The following NPSR1 variants were observed in gnomAD, a reference collection of about 807,000 sequenced individuals.
NPSR1 encodes neuropeptide S receptor.
Under a neutral mutation model 46.9 loss-of-function variants are expected in NPSR1, and 48 were observed. The observed-to-expected ratio is 1.02, with a 90% CI of 0.81 to 1.30. NPSR1 has a LOEUF of 1.30. Among genes scored for constraint, NPSR1 ranks in the 50% most tolerant of loss-of-function variants. NPSR1 has a pLI of 0.00. For synonymous variants in NPSR1, 176 were observed against 168.1 expected (o/e 1.05, Z -0.36); for missense variants, 450 against 449.5 (o/e 1.00, Z -0.01).
chr7:34,702,371 C>T (rs1793872423), intron 2 of NPSR1, among the ~76,000 whole-genome samples: 1 of 152,064 alleles, frequency 6.6e-6, no homozygotes, highest in Non-Finnish European at 1.5e-5. Flanking sequence ...TTTTTTTAAC[C>T]CAGGCCCATT....
chr7:34,802,797 C>A (rs370917562), intron 3 of NPSR1, among the ~76,000 whole-genome samples: 12 of 150,140 alleles, frequency 8.0e-5, no homozygotes, highest in Admixed American at 2.0e-4. Flanking sequence ...AAATGGGAGA[C>A]AATTTTTGCA....
At chr7:34,872,309 TG>T (rs1029374472) in intron 8 of NPSR1, among the ~76,000 whole-genome samples, 2 of 151,970 alleles carry the variant, frequency 1.3e-5, no homozygotes, top group Admixed American at 1.3e-4. Flanking sequence ...GCCGTAGGCC[TG>T]GCCCCCTAAG....
chr7:34,708,113 A>G (rs1377596095), intron 2 of NPSR1, among the ~76,000 whole-genome samples: 1 of 152,010 alleles, frequency 6.6e-6, no homozygotes, highest in Non-Finnish European at 1.5e-5. Flanking sequence ...AGCATGTCAC[A>G]TTGTGAAGGA....
intron 2 of NPSR1, chr7:34,710,745 C>A: frequency 2.5e-6 from 1 of 399,078 alleles, no homozygotes; most frequent in African/African-American, 2.1e-5. Context: ...TAAGCATCAA[C>A]TGCAAGAATA....
chr7:34,797,562 C>T (rs774438291), intron 3 of NPSR1, among the ~76,000 whole-genome samples: 45 of 151,970 alleles, frequency 3.0e-4, no homozygotes, highest in Non-Finnish European at 5.0e-4. Context: ...AAGTGTAGCA[C>T]ACACATATAA....
chr7:34,836,109 C>T (rs1483811410), intron 6 of NPSR1, among the ~76,000 whole-genome samples: 1 of 152,138 alleles, frequency 6.6e-6, no homozygotes, highest in East Asian at 1.9e-4. Flanking sequence ...CAGCTTGGGG[C>T]TAATTCCAGC....
intron 2 of NPSR1, among the ~76,000 whole-genome samples, chr7:34,722,537 A>G (rs2128708476): frequency 6.6e-6 from 1 of 152,274 alleles, no homozygotes; most frequent in Non-Finnish European, 1.5e-5. Flanking sequence ...TTTTTCTGGA[A>G]GTTACATGTA....
At chr7:34,766,894 AATTTTTAAAGGTTGCAT>A (rs1786463178) in intron 2 of NPSR1, among the ~76,000 whole-genome samples, 1 of 152,134 alleles carries the variant, frequency 6.6e-6, no homozygotes, top group Non-Finnish European at 1.5e-5. Flanking sequence ...TTTTAAAGCT[AATTTTTAAAGGTTGCAT>A]ATTTTGTAAT....
intron 8 of NPSR1, among the ~76,000 whole-genome samples, chr7:34,875,803 A>G (rs1562782593): frequency 6.6e-6 from 1 of 152,042 alleles, no homozygotes. Context: ...CCCTTTATTA[A>G]AGGATTTCAA....
At chr7:34,678,418 A>G (rs757178958) in intron 1 of NPSR1, among the ~76,000 whole-genome samples, 25 of 152,170 alleles carry the variant, frequency 1.6e-4, no homozygotes, top group Middle Eastern at 6.8e-3. Context: ...AATTGCTTTA[A>G]GGCATTAACA....
chr7:34,689,401 C>A (rs1055854695), intron 2 of NPSR1, among the ~76,000 whole-genome samples: 9 of 151,198 alleles, frequency 6.0e-5, no homozygotes, highest in South Asian at 4.2e-4. Flanking sequence ...GTCAGGAGAT[C>A]GAGACCATCC....
At position 34,703,251 on chromosome 7, in the gene NPSR1, G is replaced by A. The variant is rs1019719091; in HGVS notation, c.280+18567G>A. Reference sequence around the variant, plus strand: ...GCGGGCGCGATGGCAGGCGCCTGTAGTCCCAGCTACTCCAGAGGCTGAGGC... The same window carrying A: ...GCGGGCGCGATGGCAGGCGCCTGTAATCCCAGCTACTCCAGAGGCTGAGGC... On this transcript the variant is annotated intron_variant, in intron 2 of 8. Transcript: ENST00000360581. Among the ~76,000 whole-genome samples the A allele has an allele frequency of 6.6e-5, 10 of 152,248 alleles. No individual in the cohort carries two copies. The South Asian group carries it at 1.2e-3, about 19-fold the overall frequency.
chr7:34,747,644 A>G (rs2128722130), intron 2 of NPSR1, among the ~76,000 whole-genome samples: 3 of 152,270 alleles, frequency 2.0e-5, no homozygotes, highest in Admixed American at 2.0e-4. Flanking sequence ...ACACACGTGC[A>G]CGAGCACCCA....
intron 3 of NPSR1, among the ~76,000 whole-genome samples, chr7:34,798,605 CT>C (rs1257954791): frequency 1.3e-5 from 2 of 152,116 alleles, no homozygotes; most frequent in Non-Finnish European, 2.9e-5. Flanking sequence ...TTAAAGTGAA[CT>C]GAACTATTAA....
intron 8 of NPSR1, among the ~76,000 whole-genome samples, chr7:34,866,938 AT>A (rs1341921512): frequency 6.6e-6 from 1 of 151,700 alleles, no homozygotes; most frequent in African/African-American, 2.4e-5. Flanking sequence ...AAGATAAAAG[AT>A]TTTGACTTCT....
chr7:34,706,373 C>T (rs1296005853), intron 2 of NPSR1, among the ~76,000 whole-genome samples: 3 of 144,164 alleles, frequency 2.1e-5, no homozygotes, highest in Non-Finnish European at 4.6e-5. Flanking sequence ...AACTGTCTGT[C>T]TATATGTTAG....
chr7:34,717,891 T>C (rs1198911869), intron 2 of NPSR1, among the ~76,000 whole-genome samples: 1 of 152,196 alleles, frequency 6.6e-6, no homozygotes, highest in African/African-American at 2.4e-5. Context: ...GCTGCCCTTC[T>C]CTTTACTCAA....
At chr7:34,855,119 T>G (rs1395280360) in intron 8 of NPSR1, among the ~76,000 whole-genome samples, 1 of 152,022 alleles carries the variant, frequency 6.6e-6, no homozygotes. Context: ...ATTAAATGTA[T>G]AGGATACAAA....
intron 8 of NPSR1, among the ~76,000 whole-genome samples, chr7:34,872,608 C>G (rs1264308700): frequency 1.3e-5 from 2 of 151,800 alleles, no homozygotes; most frequent in Non-Finnish European, 2.9e-5. Context: ...AATGGACTTA[C>G]AGTTCCACAT....
Sources: allele counts gnomAD v4.1 joint callset (sites outside exome capture counted in the v4.1 genomes callset), GRCh38; gene constraint gnomAD v4.1.1; transcripts MANE v1.5; gene names NCBI Gene and HGNC (gene_info 2026-07-23, HGNC 2026-07-21).